The following ZFP90 variants were observed in gnomAD, a reference collection of about 807,000 sequenced individuals.
ZFP90 encodes ZFP90 zinc finger protein, also known as zinc finger protein 90 homolog.
A neutral mutation model predicts 60.8 loss-of-function variants in ZFP90; 38 were observed. That is an observed-to-expected ratio of 0.62 (90% CI 0.48 to 0.82). The LOEUF (loss-of-function observed/expected upper bound fraction) is 0.82. Among genes scored for constraint, ZFP90 ranks in the 40% least tolerant of loss-of-function variants. The probability of loss-of-function intolerance (pLI) is 0.00; values close to 1 mark genes in which losing one functional copy is unlikely to be tolerated. For synonymous variants in ZFP90, 287 were observed against 264.8 expected (o/e 1.08, Z -0.82); for missense variants, 711 against 759.1 (o/e 0.94, Z 0.74).
upstream of ZFP90, among the ~76,000 whole-genome samples, chr16:68,536,542 G>A (rs145079731): frequency 4.1e-4 from 63 of 152,186 alleles, no homozygotes; most frequent in South Asian, 2.3e-3. Context: ...AGGCTCAAGC[G>A]ATCCTCCCTC....
In ZFP90 at chr16:68,566,282, C is replaced by T. The variant is rs1597756096; in HGVS notation, c.*1584C>T. 2.0e-6 allele frequency: 2 copies of T among 985,526 alleles called. No individual in the cohort carries two copies. Among genetic ancestry groups the T allele is most frequent in the East Asian group, 2.2e-4 (2 of 8,948 alleles). 61.0% of individuals were successfully genotyped at this position (985,526 alleles called of 1,614,324 possible). A position where few individuals can be genotyped will look rare whatever the true frequency, so the allele number is the denominator to read the frequency against. On this transcript the variant is annotated 3_prime_UTR_variant, in exon 5 of 5. Transcript: ENST00000563169. ...GTGTGTTGACATTGACCATGCAGAC[C>T]AATTTGGGCACAACTGGACATTGAT...
rs13337315 is a variant in ZFP90 at position 68,558,594 on chromosome 16, G to T, written c.256+26G>T. ...GTAAATGAGTGAGAGTCAGGCATTA[G>T]GAATGAATGCAGTTAATGGCACAAC... is the stretch of plus-strand genomic sequence containing the variant. On this transcript the variant is annotated intron_variant, in intron 4 of 4. Transcript: ENST00000563169. 12,252 of 1,594,810 alleles carry T rather than the reference G, an allele frequency of 7.7e-3. 574 individuals carry two copies. The African/African-American group carries it at 0.12, about 16-fold the overall frequency.
intron 2 of ZFP90, chr16:68,557,232 G>A: frequency 2.2e-6 from 1 of 455,864 alleles, no homozygotes; most frequent in Non-Finnish European, 4.4e-6. Context: ...CTGTAACAAA[G>A]GAAGTGAACC....
exon 3 of ZFP90, chr16:68,576,040 TAAA>T (rs34731750): frequency 0.021 from 5,609 of 273,336 alleles, no homozygotes; most frequent in Middle Eastern, 0.032. Flanking sequence ...AACATTTATT[TAAA>T]AAAAAAAAAA....
At chr16:68,562,103 C>A (rs1429012903) in intron 4 of ZFP90, 1 of 152,138 alleles carries the variant, frequency 6.6e-6, no homozygotes, top group East Asian at 1.9e-4. Flanking sequence ...TTACATTTCA[C>A]CCCTACACTT....
chr16:68,551,652 C>T (rs2091263255), intron 2 of ZFP90, among the ~76,000 whole-genome samples: 1 of 152,062 alleles, frequency 6.6e-6, no homozygotes, highest in African/African-American at 2.4e-5. Flanking sequence ...CTCAGGTGAT[C>T]CACCCGCCTT....
At chr16:68,536,452 C>T (rs1226267259), upstream of ZFP90, among the ~76,000 whole-genome samples, 1 of 152,088 alleles carries the variant, frequency 6.6e-6, no homozygotes, top group Non-Finnish European at 1.5e-5. Flanking sequence ...GGACTACCGG[C>T]ATGCCACCAC....
intron 4 of ZFP90, among the ~76,000 whole-genome samples, chr16:68,560,553 A>ATTTG (rs2091423722): frequency 1.3e-5 from 2 of 150,384 alleles, no homozygotes; most frequent in Non-Finnish European, 2.9e-5. Context: ...TTATTTATTT[A>ATTTG]TTTATTTATT....
rs184035733 is a variant in ZFP90, at chr16:68,552,103, C to T, written c.34-5895C>T. Reference sequence around the variant, plus strand: ...AGGGGTTGATGATGAAGTCCTGTTACATCTGGAAGAAGGATGAGCAGCTAT... The same window carrying T: ...AGGGGTTGATGATGAAGTCCTGTTATATCTGGAAGAAGGATGAGCAGCTAT... On this transcript the variant is annotated intron_variant, in intron 2 of 4. Coordinates refer to ENST00000563169, the MANE Select transcript of ZFP90 (RefSeq NM_001305203.2). Among the ~76,000 whole-genome samples the T allele has an allele frequency of 3.9e-5, 6 of 152,264 alleles. No individual in the cohort carries two copies. In the East Asian group the frequency reaches 1.2e-3, roughly 29 times the overall value.
chr16:68,539,911 C>T (rs565788951), intron 2 of ZFP90, 86 bp downstream of exon 2: 10 of 1,513,566 alleles, frequency 6.6e-6, no homozygotes, highest in South Asian at 4.8e-5. Flanking sequence ...TCATTGTTCT[C>T]TGCCTGGCGA....
Position 68,565,249 on chromosome 16 carries a change from A to G in ZFP90, c.*551A>G, listed in dbSNP as rs181854368. On this transcript the variant is annotated 3_prime_UTR_variant, in exon 5 of 5. Transcript: ENST00000563169. ...TGGTTTCCACAGTATGATACAGCCT[A>G]TAAGGGTAAAGCTGGGTTAAAAATG... 2.6e-5 allele frequency: 26 copies of G among 985,274 alleles called. No individual in the cohort carries two copies. The Admixed American group carries it at 8.0e-4, about 30-fold the overall frequency. The allele number at this position is 985,274 out of a possible 1,614,324, so 61.0% of individuals were successfully genotyped here.
At chr16:68,548,117 G>C (rs989729150) in intron 2 of ZFP90, among the ~76,000 whole-genome samples, 1 of 152,036 alleles carries the variant, frequency 6.6e-6, no homozygotes, top group Non-Finnish European at 1.5e-5. Flanking sequence ...GTGAGCCACC[G>C]TGTCCGGCCC....
chr16:68,551,129 G>A (rs1435045457), intron 2 of ZFP90, among the ~76,000 whole-genome samples: 2 of 152,108 alleles, frequency 1.3e-5, no homozygotes, highest in Non-Finnish European at 2.9e-5. Context: ...TGGGCAAACT[G>A]TATTTGTACA....
downstream of ZFP90, among the ~76,000 whole-genome samples, chr16:68,569,136 C>CTTTT (rs35827680): frequency 0.57 from 69,952 of 122,626 alleles, 21,414 homozygotes; most frequent in East Asian, 0.71. Context: ...ATTAGTCCCA[C>CTTTT]TTTTTTTTTT....
At chr16:68,541,617 T>C (rs932783127) in intron 2 of ZFP90, among the ~76,000 whole-genome samples, 2 of 152,114 alleles carry the variant, frequency 1.3e-5, no homozygotes, top group Non-Finnish European at 2.9e-5. Flanking sequence ...TATATATATA[T>C]ACTTCTTATT....
chr16:68,549,404 G>T (rs1321613410), intron 2 of ZFP90, among the ~76,000 whole-genome samples: 1 of 152,114 alleles, frequency 6.6e-6, no homozygotes, highest in African/African-American at 2.4e-5. Flanking sequence ...TTGGCTGGGC[G>T]CGGTGGCTCA....
chr16:68,534,584 G>A (rs2090947921), upstream of ZFP90, among the ~76,000 whole-genome samples: 1 of 151,068 alleles, frequency 6.6e-6, no homozygotes, highest in South Asian at 2.1e-4. Context: ...TTATTCATAT[G>A]TCCAACCCCT....
At chr16:68,559,032 G>A (rs951846166) in intron 4 of ZFP90, among the ~76,000 whole-genome samples, 4 of 152,030 alleles carry the variant, frequency 2.6e-5, no homozygotes, top group Non-Finnish European at 5.9e-5. Context: ...TGTTCATGCT[G>A]CTTTGACTCA....
At chr16:68,553,339 C>T (rs1160398345) in intron 2 of ZFP90, among the ~76,000 whole-genome samples, 1 of 151,798 alleles carries the variant, frequency 6.6e-6, no homozygotes, top group Admixed American at 6.6e-5. Context: ...GAGCCACGGG[C>T]GTACATGCAG....
Sources: gnomAD v4.1 joint callset for allele counts (sites outside exome capture counted in the v4.1 genomes callset) on GRCh38, gnomAD v4.1.1 for gene constraint, MANE v1.5 for transcripts, NCBI Gene and HGNC (gene_info 2026-07-23, HGNC 2026-07-21) for gene names.